Variants in MAP4K5 observed in about 807,000 individuals in gnomAD.
The protein encoded by MAP4K5 is mitogen-activated protein kinase kinase kinase kinase 5.
A neutral mutation model predicts 135.6 loss-of-function variants in MAP4K5; 82 were observed. The observed-to-expected ratio is 0.60, with a 90% CI of 0.51 to 0.73. The LOEUF (loss-of-function observed/expected upper bound fraction) is 0.73. Among genes scored for constraint, MAP4K5 ranks in the 30% least tolerant of loss-of-function variants. MAP4K5 has a pLI of 0.00. For missense variants in MAP4K5, 907 were observed against 1,010.9 expected (o/e 0.90, Z 1.39); for synonymous variants, 347 against 335.0 (o/e 1.04, Z -0.39).
chr14:50,553,788 A>C (rs1654296115), intron 1 of MAP4K5, among the ~76,000 whole-genome samples: 1 of 152,216 alleles, frequency 6.6e-6, no homozygotes, highest in Admixed American at 6.5e-5. Context: ...AGAACAAAAT[A>C]ATGGCCTTTG....
chr14:50,475,516 A>AT (rs1307348016), intron 8 of MAP4K5, among the ~76,000 whole-genome samples: 2 of 151,702 alleles, frequency 1.3e-5, no homozygotes, highest in South Asian at 2.1e-4. Flanking sequence ...TTCTGGTACT[A>AT]TTTTTTTTAC....
At chr14:50,540,217 G>A (rs2140144380) in intron 2 of MAP4K5, among the ~76,000 whole-genome samples, 1 of 152,270 alleles carries the variant, frequency 6.6e-6, no homozygotes, top group South Asian at 2.1e-4. Context: ...TGTTTTGATT[G>A]CAAGGATAGG....
At chr14:50,441,476 A>G (rs1035228154) in intron 21 of MAP4K5, among the ~76,000 whole-genome samples, 1 of 152,076 alleles carries the variant, frequency 6.6e-6, no homozygotes, top group South Asian at 2.1e-4. Flanking sequence ...CATTATACAA[A>G]CCCCAATTAA....
chr14:50,438,134 A>C, intron 23 of MAP4K5, 40 bp from the exon 24 acceptor site: 1 of 726,910 alleles, frequency 1.4e-6, no homozygotes, highest in South Asian at 1.5e-5. Context: ...AGCCAAGCAA[A>C]ATAGAAAAAC....
intron 2 of MAP4K5, among the ~76,000 whole-genome samples, chr14:50,519,207 A>C (rs1315900876): frequency 6.6e-6 from 1 of 152,028 alleles, no homozygotes; most frequent in Non-Finnish European, 1.5e-5. Context: ...CACGTTATCA[A>C]ATATACATCT....
At chr14:50,476,571 T>C (rs1197926749) in intron 6 of MAP4K5, among the ~76,000 whole-genome samples, 1 of 152,176 alleles carries the variant, frequency 6.6e-6, no homozygotes, top group Non-Finnish European at 1.5e-5. Context: ...AGTGATTCAC[T>C]TGCCTCCGCC....
At chr14:50,467,642 T>C (rs1681431680) in intron 10 of MAP4K5, among the ~76,000 whole-genome samples, 1 of 152,108 alleles carries the variant, frequency 6.6e-6, no homozygotes, top group Non-Finnish European at 1.5e-5. Flanking sequence ...TTCTTAGCAT[T>C]TTCTTTCCTT....
At chr14:50,430,050 C>CCA (rs1374347097) in intron 28 of MAP4K5, among the ~76,000 whole-genome samples, 1 of 151,428 alleles carries the variant, frequency 6.6e-6, no homozygotes, top group African/African-American at 2.4e-5. Context: ...AAAAACATCA[C>CCA]CAATCAACCT....
chr14:50,531,915 G>GA (rs1421714362), intron 2 of MAP4K5, 27 bp downstream of exon 2: 10 of 1,509,228 alleles, frequency 6.6e-6, no homozygotes, highest in East Asian at 2.4e-5. Flanking sequence ...TCGACCGCAG[G>GA]AAAAAAGCAC....
rs1229483304 is a variant in MAP4K5 at position 50,476,280 on chromosome 14, G to T, written c.405C>A (p.Gly135=). ...LQGLAYLHTK[G]KMHRDIKGAN... is the part of the protein sequence containing the mutation. ...TTACTTTGATATCTCTATGCATTTTGCCTTTAGTATGCAAATAGGCAAGAC... is the reference window on the plus strand; with the variant it reads ...TTACTTTGATATCTCTATGCATTTTTCCTTTAGTATGCAAATAGGCAAGAC... Residue 135 remains glycine (G), a synonymous_variant, in exon 7 of 33, where the codon GGC becomes GGA. Transcript: ENST00000682126. The T allele has an allele frequency of 1.4e-6, 2 of 1,478,656 alleles. No homozygotes were observed. The highest frequency in any genetic ancestry group is 1.8e-6 in the Non-Finnish European group (2 of 1,109,580). 91.6% of individuals were successfully genotyped at this position (1,478,656 alleles called of 1,614,324 possible).
At chr14:50,479,409 T>C (rs1279843550) in intron 6 of MAP4K5, among the ~76,000 whole-genome samples, 2 of 151,858 alleles carry the variant, frequency 1.3e-5, no homozygotes, top group South Asian at 2.1e-4. Flanking sequence ...GCTAATTTCA[T>C]CCTTTGTTAA....
At chr14:50,467,039 T>C (rs2036848858) in intron 10 of MAP4K5, among the ~76,000 whole-genome samples, 1 of 152,166 alleles carries the variant, frequency 6.6e-6, no homozygotes, top group East Asian at 1.9e-4. Flanking sequence ...CTGGCCTCCA[T>C]ATTTATTTTG....
intron 1 of MAP4K5, chr14:50,559,582 C>T (rs2038808532): frequency 6.6e-6 from 1 of 152,132 alleles, no homozygotes; most frequent in African/African-American, 2.4e-5. Context: ...AAATTTTACC[C>T]AGTGGATATT....
intron 22 of MAP4K5, 80 bp downstream of exon 22, chr14:50,440,282 T>C (rs1481036993): frequency 1.0e-6 from 1 of 965,648 alleles, no homozygotes; most frequent in Non-Finnish European, 1.6e-6. Context: ...AATTGGGGCC[T>C]ACACAGATTG....
At chr14:50,527,411 CAAA>C (rs368632426) in intron 2 of MAP4K5, among the ~76,000 whole-genome samples, 2 of 123,544 alleles carry the variant, frequency 1.6e-5, no homozygotes, top group Non-Finnish European at 1.8e-5. Flanking sequence ...CCCTGTCATC[CAAA>C]AAAAAAAAAA....
At chr14:50,506,543 G>A (rs2037813732) in intron 2 of MAP4K5, among the ~76,000 whole-genome samples, 1 of 152,076 alleles carries the variant, frequency 6.6e-6, no homozygotes, top group African/African-American at 2.4e-5. Flanking sequence ...ACTTTTTGTA[G>A]AGACGGGTTT....
chr14:50,439,601 T>C (rs2036178807), intron 23 of MAP4K5, among the ~76,000 whole-genome samples: 1 of 152,102 alleles, frequency 6.6e-6, no homozygotes, highest in Non-Finnish European at 1.5e-5. Flanking sequence ...TCATCCTCAT[T>C]TTATAATTAA....
rs1007250591 is a variant in MAP4K5, at chr14:50,488,251, T to C, written c.167-2057A>G. On this transcript the variant is annotated intron_variant, in intron 3 of 32. Transcript: ENST00000682126. Reference sequence around the variant, plus strand: ...CAGATCTCATGAGAACTCACTATCATGAGAACTCACTATCATGAGAACAGC... The same window carrying C: ...CAGATCTCATGAGAACTCACTATCACGAGAACTCACTATCATGAGAACAGC... Among the ~76,000 whole-genome samples, 6 of 152,178 alleles carry C rather than the reference T, an allele frequency of 3.9e-5. No individual in the cohort carries two copies. The East Asian group carries it at 1.2e-3, about 29-fold the overall frequency.
At chr14:50,450,787 C>T (rs79460162) in intron 14 of MAP4K5, among the ~76,000 whole-genome samples, 3,795 of 152,160 alleles carry the variant, frequency 0.025, 58 homozygotes, top group East Asian at 0.066. Context: ...TGACACAAGC[C>T]TTGAAAGGAT....
Sources: allele counts gnomAD v4.1 joint callset (sites outside exome capture counted in the v4.1 genomes callset), GRCh38; gene constraint gnomAD v4.1.1; transcripts MANE v1.5; gene names NCBI Gene and HGNC (gene_info 2026-07-23, HGNC 2026-07-21).